MYT1L: variants seen among roughly 807,000 people sequenced by gnomAD.
The protein encoded by MYT1L is myelin transcription factor 1 like, also known as myelin transcription factor 1-like protein.
MYT1L carries 12 observed loss-of-function variants against 126.7 expected under a neutral mutation model. The observed-to-expected ratio is 0.09, with a 90% CI of 0.06 to 0.15. MYT1L has a LOEUF of 0.15. Ranked by LOEUF, MYT1L falls within the 10% of genes least tolerant of loss-of-function variation. The probability of loss-of-function intolerance (pLI) is 1.00; values close to 1 mark genes in which losing one functional copy is unlikely to be tolerated. For synonymous variants in MYT1L, 541 were observed against 604.2 expected, an observed-to-expected ratio of 0.90 and a Z score of 1.53; for missense variants, 979 against 1,585.2, an observed-to-expected ratio of 0.62 and a Z score of 6.49.
intron 17 of MYT1L, 38 bp from the exon 18 acceptor site, chr2:1,886,645 C>G: frequency 7.1e-7 from 1 of 1,399,684 alleles, no homozygotes; most frequent in Non-Finnish European, 9.6e-7. Context: ...CAGTCAACTG[C>G]GAAGCGCGTA....
chr2:1,817,777 G>T (rs1008038981), intron 21 of MYT1L, among the ~76,000 whole-genome samples: 1 of 152,186 alleles, frequency 6.6e-6, no homozygotes, highest in Non-Finnish European at 1.5e-5. Flanking sequence ...GTCAGCCCAC[G>T]GCTGGTCCCG....
rs186968955 is a variant in MYT1L at position 2,129,484 on chromosome 2, C to T, written c.-304+43388G>A. ...GGCAGAAAGTGTGTGATAAAGAAGG[C>T]ACTGCCCTAGAGTGGAAGGCAGCTG... is the stretch of plus-strand genomic sequence containing the variant. On this transcript the variant is annotated intron_variant, in intron 3 of 24. Coordinates refer to ENST00000647738, the MANE Select transcript of MYT1L (RefSeq NM_001303052.2). Among the ~76,000 whole-genome samples, 78 of 152,258 alleles carry T rather than the reference C, an allele frequency of 5.1e-4. 1 individual carries two copies. Among genetic ancestry groups the T allele is most frequent in the Non-Finnish European group, 9.7e-4 (66 of 68,014 alleles).
At chr2:1,918,975 A>C (rs2053210358) in intron 10 of MYT1L, among the ~76,000 whole-genome samples, 1 of 152,236 alleles carries the variant, frequency 6.6e-6, no homozygotes, top group South Asian at 2.1e-4. Context: ...GCACAGTAAC[A>C]GTTTCAAAAG....
intron 14 of MYT1L, among the ~76,000 whole-genome samples, chr2:1,898,685 A>G (rs1015720574): frequency 6.6e-6 from 1 of 152,192 alleles, no homozygotes; most frequent in African/African-American, 2.4e-5. Context: ...TGTGGCACCG[A>G]GCTCCATGGA....
At chr2:2,236,801 TCTTC>T (rs1559421026) in intron 2 of MYT1L, among the ~76,000 whole-genome samples, 1 of 20,450 alleles carries the variant, frequency 4.9e-5, no homozygotes, top group African/African-American at 4.6e-4. Context: ...TTCTTCTTCT[TCTTC>T]TTCTTCTTCT....
chr2:2,222,500 A>G (rs2093905480), intron 2 of MYT1L, among the ~76,000 whole-genome samples: 1 of 152,122 alleles, frequency 6.6e-6, no homozygotes, highest in Admixed American at 6.5e-5. Context: ...TGTCTCAAAA[A>G]AAAAAAATTT....
At chr2:1,970,776 C>T (rs2059756359) in intron 8 of MYT1L, among the ~76,000 whole-genome samples, 1 of 152,164 alleles carries the variant, frequency 6.6e-6, no homozygotes, top group African/African-American at 2.4e-5. Context: ...AGTGGGTAAA[C>T]CTCAGACAAC....
chr2:2,021,293 G>A (rs953124723), intron 4 of MYT1L, among the ~76,000 whole-genome samples: 1 of 152,202 alleles, frequency 6.6e-6, no homozygotes, highest in African/African-American at 2.4e-5. Flanking sequence ...CAGGGGTGGA[G>A]TAAGGTGGGA....
intron 3 of MYT1L, among the ~76,000 whole-genome samples, chr2:2,083,563 C>T (rs1185277940): frequency 3.9e-5 from 6 of 152,232 alleles, no homozygotes; most frequent in Admixed American, 2.0e-4. Context: ...TCCTGCAAGG[C>T]GATTCACTCT....
intron 4 of MYT1L, among the ~76,000 whole-genome samples, chr2:1,999,620 A>T (rs2062177333): frequency 6.6e-6 from 1 of 152,230 alleles, no homozygotes. Flanking sequence ...AGGTCAATAA[A>T]TGGAAAACTC....
intron 2 of MYT1L, among the ~76,000 whole-genome samples, chr2:2,187,433 T>C (rs779146438): frequency 1.1e-4 from 16 of 151,812 alleles, no homozygotes; most frequent in Non-Finnish European, 2.1e-4. Context: ...AGGCCTTAAT[T>C]ACACGGCGCG....
intron 19 of MYT1L, among the ~76,000 whole-genome samples, chr2:1,843,936 TG>T (rs1176199958): frequency 6.6e-6 from 1 of 152,224 alleles, no homozygotes; most frequent in Non-Finnish European, 1.5e-5. Flanking sequence ...GCCTTGGCCT[TG>T]GCACAGGGCT....
intron 8 of MYT1L, among the ~76,000 whole-genome samples, chr2:1,952,540 A>C (rs563083283): frequency 6.6e-6 from 1 of 151,692 alleles, no homozygotes; most frequent in Admixed American, 6.6e-5. Context: ...TGTTTCTTAT[A>C]TGTCTATTTT....
intron 3 of MYT1L, among the ~76,000 whole-genome samples, chr2:2,106,114 G>A (rs996028423): frequency 1.2e-4 from 19 of 152,332 alleles, no homozygotes; most frequent in Middle Eastern, 3.4e-3. Flanking sequence ...AGCTCATGGA[G>A]GGAATGTGGC....
At chr2:2,170,909 T>C (rs2089958917) in intron 3 of MYT1L, among the ~76,000 whole-genome samples, 1 of 152,160 alleles carries the variant, frequency 6.6e-6, no homozygotes, top group African/African-American at 2.4e-5. Context: ...GAGGACTGAA[T>C]GAAGAGAGTG....
In MYT1L at chr2:2,137,570, C is replaced by T. The variant is rs553788548; in HGVS notation, c.-304+35302G>A. ...AACTATCTGATCTTTGACAAACCTG[C>T]GAAAAACAAGCAATGGGGAAAGGAT... On this transcript the variant is annotated intron_variant, in intron 3 of 24. Coordinates refer to ENST00000647738, the MANE Select transcript of MYT1L (RefSeq NM_001303052.2). 1.6e-4 allele frequency among the ~76,000 whole-genome samples: 24 copies of T among 152,060 alleles called. No homozygotes were observed. In the East Asian group the frequency reaches 1.7e-3, roughly 11 times the overall value.
intron 8 of MYT1L, among the ~76,000 whole-genome samples, chr2:1,944,222 C>T (rs1295052201): frequency 6.6e-6 from 1 of 152,016 alleles, no homozygotes; most frequent in Admixed American, 6.6e-5. Context: ...CTAATGCTAT[C>T]CCTCCCCGCT....
chr2:2,140,432 CTTTTTTT>C (rs35297300), intron 3 of MYT1L, among the ~76,000 whole-genome samples: 118 of 112,954 alleles, frequency 1.0e-3, no homozygotes, highest in African/African-American at 3.1e-3. Flanking sequence ...CTTTCTTTTT[CTTTTTTT>C]TTTTTTTTTT....
intron 3 of MYT1L, among the ~76,000 whole-genome samples, chr2:2,123,895 C>T (rs1257489593): frequency 6.6e-6 from 1 of 152,124 alleles, no homozygotes; most frequent in Admixed American, 6.5e-5. Flanking sequence ...TGTGGCGGGG[C>T]CCTGAGCCCT....
Sources: allele counts gnomAD v4.1 joint callset (sites outside exome capture counted in the v4.1 genomes callset), GRCh38; gene constraint gnomAD v4.1.1; transcripts MANE v1.5; gene names NCBI Gene and HGNC (gene_info 2026-07-23, HGNC 2026-07-21).